Variants in PILRA observed in about 807,000 individuals in gnomAD.
The protein encoded by PILRA is paired immunoglobin like type 2 receptor alpha, also known as paired immunoglobulin-like type 2 receptor alpha.
PILRA carries 37 observed loss-of-function variants against 33.1 expected under a neutral mutation model. The ratio of observed to expected loss-of-function variants is 1.12; its 90% confidence interval spans 0.86 to 1.47. The LOEUF is 1.47. Ranked by LOEUF, PILRA falls within the 40% of genes most tolerant of loss-of-function variation. The pLI is 0.00. For synonymous variants in PILRA, 146 were observed against 149.9 expected (o/e 0.97, Z 0.19); for missense variants, 312 against 376.2 (o/e 0.83, Z 1.41).
chr7:100,383,582 T>C (rs1416087857), intron 2 of PILRA, among the ~76,000 whole-genome samples: 2 of 150,782 alleles, frequency 1.3e-5, no homozygotes, highest in Non-Finnish European at 2.9e-5. Context: ...CTGAGTGCCA[T>C]GGGAGCGAAG....
chr7:100,382,481 T>G (rs2108269), intron 2 of PILRA, among the ~76,000 whole-genome samples: 1 of 151,914 alleles, frequency 6.6e-6, no homozygotes. Flanking sequence ...TCTAGCTAAT[T>G]TAGTGGGGAC....
intron 2 of PILRA, among the ~76,000 whole-genome samples, chr7:100,388,532 A>G (rs867858997): frequency 2.8e-4 from 42 of 152,070 alleles, no homozygotes; most frequent in Middle Eastern, 3.4e-3. Flanking sequence ...CAGGAGTTGG[A>G]GACCAGCCTG....
chr7:100,379,782 T>A (rs780814894), intron 2 of PILRA, among the ~76,000 whole-genome samples: 1 of 152,094 alleles, frequency 6.6e-6, no homozygotes, highest in African/African-American at 2.4e-5. Flanking sequence ...CAAAGGGAAT[T>A]TTTTAAGAAA....
chr7:100,378,248 A>G (rs1790999206), intron 2 of PILRA, among the ~76,000 whole-genome samples: 1 of 151,790 alleles, frequency 6.6e-6, no homozygotes, highest in African/African-American at 2.4e-5. Context: ...GCTACTCAGG[A>G]GGCTGAGACA....
intron 3 of PILRA, among the ~76,000 whole-genome samples, chr7:100,394,543 G>C (rs540624326): frequency 7.2e-6 from 1 of 139,490 alleles, no homozygotes; most frequent in Non-Finnish European, 1.5e-5. Context: ...GCAGTGAGCC[G>C]AGATTGTGCT....
At chr7:100,382,002 C>CCG (rs1313678677) in intron 2 of PILRA, among the ~76,000 whole-genome samples, 1 of 118,386 alleles carries the variant, frequency 8.4e-6, no homozygotes, top group Non-Finnish European at 2.0e-5. Flanking sequence ...TCAGTCCCCA[C>CCG]CCCCACCCCC....
chr7:100,373,946 T>A, intron 1 of PILRA, 98 bp from the exon 2 acceptor site: 1 of 1,471,410 alleles, frequency 6.8e-7, no homozygotes, highest in Admixed American at 1.9e-5. Flanking sequence ...GTCACACGAC[T>A]GCCTGTGGGT....
chr7:100,399,888 A>G lies in PILRA; in HGVS notation c.893A>G (p.Tyr298Cys). 1 of 1,611,144 alleles carries G rather than the reference A, an allele frequency of 6.2e-7. No individual in the cohort carries two copies. Among genetic ancestry groups the G allele is most frequent in the Non-Finnish European group, 8.5e-7 (1 of 1,178,662 alleles). The change falls in exon 7 of 7, where the codon TAC (tyrosine) becomes TGC (cysteine). Residue 298 changes from tyrosine (Y) to cysteine (C), a missense_variant. By Grantham distance (194) the Tyr-to-Cys change is radical. Coordinates refer to ENST00000198536, the MANE Select transcript of PILRA (RefSeq NM_013439.3). ...AAGAGCCCCCAGAACGAGACCCTGT[A>G]CTCTGTCTTAAAGGCCTAACCAATG... is the stretch of plus-strand genomic sequence containing the variant. ...PLKSPQNETLYSVLKA is the reference protein window; with the variant it reads ...PLKSPQNETLCSVLKA
At chr7:100,378,909 G>A (rs1374245223) in intron 2 of PILRA, among the ~76,000 whole-genome samples, 1 of 151,796 alleles carries the variant, frequency 6.6e-6, no homozygotes, top group African/African-American at 2.4e-5. Flanking sequence ...TGGCTAACAT[G>A]GTGAAACCCC....
In PILRA at chr7:100,389,969, G is replaced by A; in HGVS notation, c.536G>A (p.Arg179Lys). 6.2e-7 allele frequency: 1 copy of A among 1,614,076 alleles called. No homozygotes were observed. Among genetic ancestry groups the A allele is most frequent in the Non-Finnish European group, 8.5e-7 (1 of 1,179,998 alleles). ...AGCACAACCACCACAACCGGCCTCA[G>A]GGTCACACAGGGCAAACGACGCTCA... ...LSSTTTTTGL[R>K]VTQGKRRSDS... Residue 179 changes from arginine (R) to lysine (K), a missense_variant, in exon 3 of 7, where the codon AGG (arginine) becomes AAG (lysine). Transcript: ENST00000198536.
chr7:100,378,073 T>C (rs1003709458), intron 2 of PILRA, among the ~76,000 whole-genome samples: 2 of 151,978 alleles, frequency 1.3e-5, no homozygotes, highest in African/African-American at 4.8e-5. Context: ...TTAGGCTTGG[T>C]GCAGTGGCTT....
chr7:100,373,848 A>G, intron 1 of PILRA, 128 bp downstream of exon 1: 1 of 1,339,388 alleles, frequency 7.5e-7, no homozygotes, highest in Non-Finnish European at 1.0e-6. Flanking sequence ...CGGGTCCCAC[A>G]GGGGCGGGTG....
upstream of PILRA, among the ~76,000 whole-genome samples, chr7:100,372,496 GC>G (rs567280105): frequency 1.1e-3 from 170 of 152,278 alleles, 1 homozygote; most frequent in Admixed American, 1.7e-3. Flanking sequence ...GGTGGGCAGA[GC>G]CTCCTACGGA....
In PILRA at chr7:100,390,126, C is replaced by G; in HGVS notation, c.673+20C>G. ...GGAAAGGTAAGTGCCCAGGACCCGC[C>G]CTCTCCCCAAGCCTCCCATCTGGGG... On this transcript the variant is annotated intron_variant, in intron 3 of 6. Coordinates refer to ENST00000198536, the MANE Select transcript of PILRA (RefSeq NM_013439.3). The G allele has an allele frequency of 6.2e-7, 1 of 1,604,378 alleles. No individual in the cohort carries two copies.
intron 2 of PILRA, among the ~76,000 whole-genome samples, chr7:100,375,092 C>T (rs1361790792): frequency 6.6e-6 from 1 of 152,092 alleles, no homozygotes; most frequent in African/African-American, 2.4e-5. Flanking sequence ...CATCCTTTAC[C>T]CTCCTCACTT....
At chr7:100,381,996 T>TCC (rs1368626457) in intron 2 of PILRA, among the ~76,000 whole-genome samples, 97 of 128,558 alleles carry the variant, frequency 7.5e-4, no homozygotes, top group South Asian at 1.2e-3. Flanking sequence ...CATGCCTCAG[T>TCC]CCCCACCCCC....
chr7:100,382,037 C>T (rs1330865798), intron 2 of PILRA, among the ~76,000 whole-genome samples: 1 of 144,692 alleles, frequency 6.9e-6, no homozygotes, highest in Non-Finnish European at 1.5e-5. Context: ...GGCTCCAGCG[C>T]GGCCCAAGCC....
chr7:100,396,621 C>T (rs1791497783), intron 3 of PILRA, among the ~76,000 whole-genome samples: 1 of 152,158 alleles, frequency 6.6e-6, no homozygotes. Flanking sequence ...CACTGCACTC[C>T]AGCCTGGGTG....
At chr7:100,380,035 C>A (rs887116336) in intron 2 of PILRA, among the ~76,000 whole-genome samples, 17 of 152,172 alleles carry the variant, frequency 1.1e-4, no homozygotes, top group African/African-American at 4.1e-4. Flanking sequence ...CATTGAAAAT[C>A]TACGTCAGAA....
Sources: gnomAD v4.1 joint callset for allele counts (sites outside exome capture counted in the v4.1 genomes callset) on GRCh38, gnomAD v4.1.1 for gene constraint, MANE v1.5 for transcripts, NCBI Gene and HGNC (gene_info 2026-07-23, HGNC 2026-07-21) for gene names.